Variants in WDR49 observed in about 807,000 individuals in gnomAD.
WDR49 encodes WD repeat domain 49, also known as cilia- and flagella-associated protein 337.
A neutral mutation model predicts 119.5 loss-of-function variants in WDR49; 107 were observed. The ratio of observed to expected loss-of-function variants is 0.90; its 90% CI spans 0.77 to 1.05. WDR49 has a LOEUF of 1.05. Among genes scored for constraint, WDR49 ranks in the 50% least tolerant of loss-of-function variants. The probability of loss-of-function intolerance (pLI) is 0.00; values close to 1 mark genes in which losing one functional copy is unlikely to be tolerated. For missense variants in WDR49, 1,240 were observed against 1,220.5 expected, an observed-to-expected ratio of 1.02 and a Z score of -0.24; for synonymous variants, 425 against 418.8, an observed-to-expected ratio of 1.01 and a Z score of -0.18.
chr3:167,639,628 T>G (rs1717785390), intron 2 of WDR49, among the ~76,000 whole-genome samples: 1 of 151,804 alleles, frequency 6.6e-6, no homozygotes, highest in Non-Finnish European at 1.5e-5. Context: ...ATATACTTAC[T>G]TTTCACATAT....
intron 14 of WDR49, among the ~76,000 whole-genome samples, chr3:167,528,649 T>C (rs1752727160): frequency 6.6e-6 from 1 of 152,054 alleles, no homozygotes. Flanking sequence ...AACCAGGAGT[T>C]TGAAGTTGCA....
chr3:167,494,106 T>C (rs1231557326), intron 18 of WDR49, among the ~76,000 whole-genome samples: 1 of 152,222 alleles, frequency 6.6e-6, no homozygotes, highest in Non-Finnish European at 1.5e-5. Flanking sequence ...GTTAGTGTGC[T>C]AGCTATTGTG....
intron 2 of WDR49, among the ~76,000 whole-genome samples, chr3:167,628,248 T>C (rs1717218620): frequency 6.6e-6 from 1 of 152,066 alleles, no homozygotes; most frequent in Non-Finnish European, 1.5e-5. Flanking sequence ...AATGTTTAAG[T>C]AAAGTCAGAG....
intron 16 of WDR49, among the ~76,000 whole-genome samples, chr3:167,520,279 G>C (rs940764706): frequency 6.6e-6 from 1 of 151,842 alleles, no homozygotes; most frequent in African/African-American, 2.4e-5. Flanking sequence ...AACTGAGTTT[G>C]TCATAAGGAA....
rs561428568 is a variant in WDR49 at position 167,544,127 on chromosome 3, A to C, written c.1824-7127T>G. Among the ~76,000 whole-genome samples, 7 of 152,048 alleles carry C rather than the reference A, an allele frequency of 4.6e-5. No individual in the cohort carries two copies. The East Asian group carries it at 1.4e-3, about 29-fold the overall frequency. On this transcript the variant is annotated intron_variant, in intron 10 of 18. Coordinates refer to ENST00000682715, the MANE Select transcript of WDR49 (RefSeq NM_001366157.1). ...CTGACCAAGGAGGTGAAAGATCTCT[A>C]CAAGGAAAACTATAAAACACTGCTG... is the stretch of plus-strand genomic sequence containing the variant.
chr3:167,491,289 G>A (rs1751123858), intron 18 of WDR49, among the ~76,000 whole-genome samples: 2 of 152,104 alleles, frequency 1.3e-5, no homozygotes, highest in African/African-American at 4.8e-5. Context: ...TGAGACTGGC[G>A]ATGCTGAACT....
chr3:167,574,595 T>C (rs1013684182), intron 8 of WDR49, among the ~76,000 whole-genome samples: 1 of 148,562 alleles, frequency 6.7e-6, no homozygotes, highest in African/African-American at 2.4e-5. Context: ...ATGTACATTG[T>C]CCTTTGGTTG....
chr3:167,585,175 T>G (rs1306962955), intron 7 of WDR49, among the ~76,000 whole-genome samples: 1 of 152,154 alleles, frequency 6.6e-6, no homozygotes, highest in Non-Finnish European at 1.5e-5. Context: ...ACCCTAGTTT[T>G]TGTTCATCAG....
intron 2 of WDR49, among the ~76,000 whole-genome samples, chr3:167,635,642 G>T (rs1369524444): frequency 1.3e-5 from 2 of 151,624 alleles, no homozygotes; most frequent in East Asian, 3.9e-4. Context: ...ATCCAACTTG[G>T]TCTGGGTATT....
chr3:167,619,269 CAGA>C (rs1290200416), intron 5 of WDR49, among the ~76,000 whole-genome samples: 1 of 152,018 alleles, frequency 6.6e-6, no homozygotes, highest in Non-Finnish European at 1.5e-5. Context: ...CAATGTTTTT[CAGA>C]AGAAGTTGAA....
At chr3:167,647,555 C>T (rs1170195999) in intron 2 of WDR49, among the ~76,000 whole-genome samples, 1 of 152,156 alleles carries the variant, frequency 6.6e-6, no homozygotes, top group Non-Finnish European at 1.5e-5. Context: ...AATTCCTCTG[C>T]CATTTCTAAT....
intron 10 of WDR49, 43 bp downstream of exon 10, chr3:167,554,607 T>C (rs773822099): frequency 1.5e-6 from 2 of 1,310,212 alleles, no homozygotes; most frequent in South Asian, 2.8e-5. Flanking sequence ...ATGTTCTTTT[T>C]TCTTTTAGAT....
intron 16 of WDR49, among the ~76,000 whole-genome samples, chr3:167,506,749 AT>A (rs1184596547): frequency 7.9e-5 from 12 of 151,968 alleles, no homozygotes; most frequent in Non-Finnish European, 1.5e-4. Context: ...TCTTAATGTG[AT>A]TTTTCTGTAA....
intron 2 of WDR49, among the ~76,000 whole-genome samples, chr3:167,650,933 G>T (rs1559933087): frequency 1.3e-5 from 2 of 152,090 alleles, no homozygotes; most frequent in Admixed American, 6.6e-5. Context: ...GAGTCACATT[G>T]TAAGTAGCAA....
intron 10 of WDR49, among the ~76,000 whole-genome samples, chr3:167,538,935 G>A (rs542398467): frequency 6.6e-6 from 1 of 152,148 alleles, no homozygotes; most frequent in East Asian, 1.9e-4. Flanking sequence ...ATTCAAATGT[G>A]GAGCTCTGTT....
Position 167,550,763 on chromosome 3 carries a change from GT to G in WDR49, c.1823+3886del, listed in dbSNP as rs1308991677. 3.4e-3 allele frequency among the ~76,000 whole-genome samples: 460 copies of G among 135,704 alleles called. 2 individuals are homozygous for G. The highest frequency in any genetic ancestry group is 0.015 in the Middle Eastern group (4 of 260). 89.0% of individuals were successfully genotyped at this position (135,704 alleles called of 152,430 possible). On this transcript the variant is annotated intron_variant, in intron 10 of 18. Transcript: ENST00000682715. The stretch of plus-strand genomic sequence containing the variant: ...AAATTAAAATCAGGGGAACTAGGAG[GT>G]TTTTTTTTTTTTTTGAGAGAGAGAG...
At chr3:167,561,307 G>A (rs140397328) in intron 8 of WDR49, among the ~76,000 whole-genome samples, 73 of 152,116 alleles carry the variant, frequency 4.8e-4, no homozygotes, top group African/African-American at 1.6e-3. Context: ...CTGCTCTCAA[G>A]GAGTCTATTG....
intron 8 of WDR49, among the ~76,000 whole-genome samples, chr3:167,561,073 T>C (rs7620450): frequency 0.35 from 53,773 of 151,870 alleles, 9,712 homozygotes; most frequent in African/African-American, 0.42. Context: ...TTAAGGAAGC[T>C]TAAAGCATTT....
intron 7 of WDR49, among the ~76,000 whole-genome samples, chr3:167,595,890 G>A (rs1351882122): frequency 3.3e-5 from 5 of 150,684 alleles, no homozygotes; most frequent in African/African-American, 1.2e-4. Context: ...AAACTAAAGA[G>A]CTTCTGCACA....
Sources: allele counts gnomAD v4.1 joint callset (sites outside exome capture counted in the v4.1 genomes callset), GRCh38; gene constraint gnomAD v4.1.1; transcripts MANE v1.5; gene names NCBI Gene and HGNC (gene_info 2026-07-23, HGNC 2026-07-21).